Variants in LHFPL3 observed in about 807,000 individuals in gnomAD.
The protein encoded by LHFPL3 is LHFPL tetraspan subfamily member 3 protein.
LHFPL3 carries 5 observed loss-of-function variants against 19.3 expected under a neutral mutation model. The observed-to-expected ratio is 0.26, with a 90% CI of 0.14 to 0.54. The LOEUF is 0.54. Among genes scored for constraint, LHFPL3 ranks in the 20% least tolerant of loss-of-function variants. LHFPL3 has a pLI of 0.94. For synonymous variants in LHFPL3, 133 were observed against 126.2 expected (o/e 1.05, Z -0.36); for missense variants, 249 against 307.4 (o/e 0.81, Z 1.42).
intron 2 of LHFPL3, among the ~76,000 whole-genome samples, chr7:104,801,404 T>A (rs956978542): frequency 2.6e-5 from 4 of 151,998 alleles, no homozygotes; most frequent in Non-Finnish European, 5.9e-5. Flanking sequence ...GTCAGGGGGA[T>A]TCGTGGGCAG....
At chr7:104,641,104 G>T (rs11771646) in intron 1 of LHFPL3, among the ~76,000 whole-genome samples, 5,669 of 152,334 alleles carry the variant, frequency 0.037, 164 homozygotes, top group Non-Finnish European at 0.055. Context: ...GGGAGTAAGT[G>T]TGTGTCAACT....
chr7:104,377,324 G>A (rs1035607784), intron 1 of LHFPL3, among the ~76,000 whole-genome samples: 2 of 152,134 alleles, frequency 1.3e-5, no homozygotes, highest in Non-Finnish European at 2.9e-5. Context: ...AAACTTAACT[G>A]TTAAAATGTC....
chr7:104,581,502 C>T (rs1180302629), intron 1 of LHFPL3, among the ~76,000 whole-genome samples: 1 of 151,932 alleles, frequency 6.6e-6, no homozygotes, highest in African/African-American at 2.4e-5. Flanking sequence ...AAGTTTTTAA[C>T]TTTAAGGCAG....
intron 1 of LHFPL3, among the ~76,000 whole-genome samples, chr7:104,563,326 T>A (rs1233075315): frequency 6.6e-6 from 1 of 152,282 alleles, no homozygotes; most frequent in African/African-American, 2.4e-5. Context: ...GTGCTAGCAA[T>A]CAGCGAGACT....
intron 1 of LHFPL3, among the ~76,000 whole-genome samples, chr7:104,499,609 C>T (rs1793558951): frequency 6.6e-6 from 1 of 152,136 alleles, no homozygotes; most frequent in Non-Finnish European, 1.5e-5. Flanking sequence ...TTTGGTGCTC[C>T]AATATTGTAT....
intron 1 of LHFPL3, among the ~76,000 whole-genome samples, chr7:104,536,742 G>C (rs967156371): frequency 1.3e-5 from 2 of 152,082 alleles, no homozygotes; most frequent in Admixed American, 1.3e-4. Context: ...TTCCCCTCTA[G>C]AGCCTTTTTG....
At chr7:104,559,832 C>CTTA (rs2115941643) in intron 1 of LHFPL3, among the ~76,000 whole-genome samples, 1 of 147,746 alleles carries the variant, frequency 6.8e-6, no homozygotes, top group African/African-American at 2.6e-5. Context: ...ATAGATAGCT[C>CTTA]TTATTATTTT....
Position 104,514,319 on chromosome 7 carries a change from A to T in LHFPL3, c.445+185095A>T, listed in dbSNP as rs925802787. On this transcript the variant is annotated intron_variant, in intron 1 of 2. Coordinates refer to ENST00000424859, the MANE Select transcript of LHFPL3 (RefSeq NM_199000.3). ...AGAGAAGTCAGCCTCTTAGGCTACC[A>T]TGAACTTCTCCTTCCCAGTACTTAC... Among the ~76,000 whole-genome samples, 4 of 151,822 alleles carry T rather than the reference A, an allele frequency of 2.6e-5. No homozygotes were observed. In the East Asian group the frequency reaches 5.8e-4, roughly 22 times the overall value.
intron 1 of LHFPL3, among the ~76,000 whole-genome samples, chr7:104,421,449 A>G (rs79806737): frequency 0.086 from 13,052 of 152,220 alleles, 611 homozygotes; most frequent in Non-Finnish European, 0.099. Context: ...TTAGGGAGAT[A>G]TGAGATGCGG....
chr7:104,526,810 A>G (rs1364890611), intron 1 of LHFPL3, among the ~76,000 whole-genome samples: 1 of 152,228 alleles, frequency 6.6e-6, no homozygotes, highest in African/African-American at 2.4e-5. Flanking sequence ...CTCATTCAAC[A>G]GTTGTTTAGG....
At chr7:104,404,931 A>G (rs1025858320) in intron 1 of LHFPL3, among the ~76,000 whole-genome samples, 1 of 152,210 alleles carries the variant, frequency 6.6e-6, no homozygotes, top group African/African-American at 2.4e-5. Flanking sequence ...AAAAGGTAAA[A>G]ATTAGGTTCT....
intron 2 of LHFPL3, among the ~76,000 whole-genome samples, chr7:104,844,618 G>A (rs1791279400): frequency 6.6e-6 from 1 of 152,010 alleles, no homozygotes; most frequent in East Asian, 1.9e-4. Flanking sequence ...TCTCCTTTGG[G>A]TGGTATTGCC....
Position 104,330,558 on chromosome 7 carries a change from A to G in LHFPL3, c.445+1334A>G, listed in dbSNP as rs140018915. 2.4e-3 allele frequency among the ~76,000 whole-genome samples: 362 copies of G among 152,250 alleles called. 2 individuals carry two copies. Among genetic ancestry groups the G allele is most frequent in the African/African-American group, 8.3e-3 (345 of 41,546 alleles). On this transcript the variant is annotated intron_variant, in intron 1 of 2. Coordinates refer to ENST00000424859, the MANE Select transcript of LHFPL3 (RefSeq NM_199000.3). Reference sequence around the variant, plus strand: ...GAAAGAGAAGCTTGTGGGAGACTACACTTGTGTGAAAGTATTTATTTTGTG... The same window carrying G: ...GAAAGAGAAGCTTGTGGGAGACTACGCTTGTGTGAAAGTATTTATTTTGTG...
chr7:104,491,546 G>A (rs1022080948), intron 1 of LHFPL3, among the ~76,000 whole-genome samples: 2 of 152,048 alleles, frequency 1.3e-5, no homozygotes, highest in African/African-American at 4.8e-5. Flanking sequence ...GCCTCAGGGT[G>A]AGCAGGAAAA....
At position 104,736,585 on chromosome 7, in the gene LHFPL3, T is replaced by G. The variant is rs979841999; in HGVS notation, c.446-90T>G. 4 of 796,252 alleles carry G rather than the reference T, an allele frequency of 5.0e-6. No homozygotes were observed. In the African/African-American group the frequency reaches 6.9e-5, roughly 14 times the overall value. 49.3% of individuals were successfully genotyped at this position (796,252 alleles called of 1,614,324 possible). Reference sequence around the variant, plus strand: ...TTAAATCAAGAATAATTTGAAACAATGATTCGACAGACAGTGGAAACATTT... The same window carrying G: ...TTAAATCAAGAATAATTTGAAACAAGGATTCGACAGACAGTGGAAACATTT... On this transcript the variant is annotated intron_variant, in intron 1 of 2. Transcript: ENST00000424859.
chr7:104,456,365 AG>A (rs1278034042), intron 1 of LHFPL3, among the ~76,000 whole-genome samples: 2 of 152,190 alleles, frequency 1.3e-5, no homozygotes, highest in Non-Finnish European at 2.9e-5. Flanking sequence ...AAAATATTTA[AG>A]AAACTGAAAC....
chr7:104,578,128 A>G (rs11761864), intron 1 of LHFPL3, among the ~76,000 whole-genome samples: 46,888 of 152,138 alleles, frequency 0.31, 7,679 homozygotes, highest in African/African-American at 0.42. Context: ...CATGTGTCAA[A>G]AAAAAGTTAT....
At chr7:104,350,728 G>T (rs909829395) in intron 1 of LHFPL3, among the ~76,000 whole-genome samples, 1 of 152,152 alleles carries the variant, frequency 6.6e-6, no homozygotes, top group African/African-American at 2.4e-5. Flanking sequence ...AAGAGTGGGT[G>T]ATAGTGAGTG....
chr7:104,649,394 C>T (rs1431360122), intron 1 of LHFPL3, among the ~76,000 whole-genome samples: 2 of 152,122 alleles, frequency 1.3e-5, no homozygotes, highest in Non-Finnish European at 2.9e-5. Context: ...GAACCTCTTA[C>T]CACACAATAA....
Sources: gnomAD v4.1 joint callset for allele counts (sites outside exome capture counted in the v4.1 genomes callset) on GRCh38, gnomAD v4.1.1 for gene constraint, MANE v1.5 for transcripts, NCBI Gene and HGNC (gene_info 2026-07-23, HGNC 2026-07-21) for gene names.